E2F6: variants seen among roughly 807,000 people sequenced by gnomAD.
The protein encoded by E2F6 is transcription factor E2F6.
A neutral mutation model predicts 31.5 loss-of-function variants in E2F6; 19 were observed. That is an observed-to-expected ratio of 0.60 (90% confidence interval 0.42 to 0.89). The LOEUF is 0.89. Among genes scored for constraint, E2F6 ranks in the 40% least tolerant of loss-of-function variants. The probability of loss-of-function intolerance (pLI) is 0.00; values close to 1 mark genes in which losing one functional copy is unlikely to be tolerated. For missense variants in E2F6, 269 were observed against 341.6 expected (o/e 0.79, Z 1.67); for synonymous variants, 121 against 127.7 (o/e 0.95, Z 0.36).
At chr2:11,458,216 T>C in intron 1 of E2F6, 2 of 1,533,782 alleles carry the variant, frequency 1.3e-6, no homozygotes, top group Non-Finnish European at 1.8e-6. Context: ...GGCAAGTGAA[T>C]TCATAGGTAC....
chr2:11,459,714 C>A (rs1671647015), intron 1 of E2F6, among the ~76,000 whole-genome samples: 1 of 151,964 alleles, frequency 6.6e-6, no homozygotes, highest in South Asian at 2.1e-4. Flanking sequence ...AAATCCCCGT[C>A]TCTACTAAAA....
intron 1 of E2F6, among the ~76,000 whole-genome samples, chr2:11,458,099 C>A (rs1368137330): frequency 6.6e-6 from 1 of 152,140 alleles, no homozygotes; most frequent in Non-Finnish European, 1.5e-5. Context: ...AAAATGAAAG[C>A]CTATGAACAG....
At chr2:11,455,952 G>A (rs1366398351) in intron 2 of E2F6, among the ~76,000 whole-genome samples, 1 of 152,136 alleles carries the variant, frequency 6.6e-6, no homozygotes, top group African/African-American at 2.4e-5. Context: ...GAGGGTGAGG[G>A]GCTGAAGTGA....
Position 11,446,410 on chromosome 2 carries a change from T to C in E2F6, c.*67A>G. 1.7e-6 allele frequency: 2 copies of C among 1,212,090 alleles called. No homozygotes were observed. Among genetic ancestry groups the C allele is most frequent in the Admixed American group, 3.5e-5 (2 of 57,302 alleles). The allele number at this position is 1,212,090 out of a possible 1,614,324, so 75.1% of individuals were successfully genotyped here. On this transcript the variant is annotated 3_prime_UTR_variant, in exon 7 of 7. Coordinates refer to ENST00000381525, the MANE Select transcript of E2F6 (RefSeq NM_198256.4). ...ATAATTTATTGCTCTGAGAATCAAATTTGATGCGTAATTCTCCACGAAGAT... is the reference window on the plus strand; with the variant it reads ...ATAATTTATTGCTCTGAGAATCAAACTTGATGCGTAATTCTCCACGAAGAT...
intron 1 of E2F6, among the ~76,000 whole-genome samples, chr2:11,465,413 C>T (rs1284474688): frequency 6.6e-6 from 1 of 152,000 alleles, no homozygotes; most frequent in Non-Finnish European, 1.5e-5. Flanking sequence ...AGGTTTTAAA[C>T]GGCTGCAGTA....
chr2:11,460,917 A>C (rs1671736431), intron 1 of E2F6, among the ~76,000 whole-genome samples: 1 of 152,112 alleles, frequency 6.6e-6, no homozygotes, highest in Non-Finnish European at 1.5e-5. Context: ...CTATAATCTT[A>C]CAGGACCAGA....
At chr2:11,449,614 G>A (rs1238705007) in intron 5 of E2F6, among the ~76,000 whole-genome samples, 1 of 152,218 alleles carries the variant, frequency 6.6e-6, no homozygotes, top group African/African-American at 2.4e-5. Flanking sequence ...TTATTCATCA[G>A]TCTTTCAAGA....
At chr2:11,449,071 C>T (rs1670899159) in intron 5 of E2F6, among the ~76,000 whole-genome samples, 1 of 152,202 alleles carries the variant, frequency 6.6e-6, no homozygotes, top group Non-Finnish European at 1.5e-5. Flanking sequence ...AAGCAGCTCA[C>T]AGCATAGGGA....
At chr2:11,447,116 T>C (rs1670765722) in intron 6 of E2F6, among the ~76,000 whole-genome samples, 1 of 152,236 alleles carries the variant, frequency 6.6e-6, no homozygotes, top group South Asian at 2.1e-4. Context: ...TGGACAGCAC[T>C]GCAAGCTGGG....
chr2:11,446,411 T>C lies in E2F6; in HGVS notation c.*66A>G. The C allele has an allele frequency of 1.6e-6, 2 of 1,214,926 alleles. No individual in the cohort carries two copies. Among genetic ancestry groups the C allele is most frequent in the East Asian group, 2.3e-5 (1 of 42,632 alleles). 75.3% of individuals were successfully genotyped at this position (1,214,926 alleles called of 1,614,324 possible). Reference sequence around the variant, plus strand: ...TAATTTATTGCTCTGAGAATCAAATTTGATGCGTAATTCTCCACGAAGATA... The same window carrying C: ...TAATTTATTGCTCTGAGAATCAAATCTGATGCGTAATTCTCCACGAAGATA... On this transcript the variant is annotated 3_prime_UTR_variant, in exon 7 of 7. Transcript: ENST00000381525.
intron 1 of E2F6, among the ~76,000 whole-genome samples, chr2:11,464,620 G>C (rs1448787188): frequency 6.6e-6 from 1 of 151,942 alleles, no homozygotes; most frequent in Non-Finnish European, 1.5e-5. Context: ...GATGGGGATG[G>C]ATTTAGAATG....
chr2:11,464,517 CAAAAAAAA>C (rs559562627), intron 1 of E2F6, among the ~76,000 whole-genome samples: 1 of 44,658 alleles, frequency 2.2e-5, no homozygotes. Context: ...ACTTCGTCAC[CAAAAAAAA>C]AAAAAAAAAA....
At chr2:11,459,818 G>T (rs6705126) in intron 1 of E2F6, among the ~76,000 whole-genome samples, 4,855 of 152,098 alleles carry the variant, frequency 0.032, 247 homozygotes, top group African/African-American at 0.11. Context: ...CGGGAGGCAG[G>T]GGTTGCAGTG....
At chr2:11,462,188 A>T (rs1671823627) in intron 1 of E2F6, among the ~76,000 whole-genome samples, 1 of 152,124 alleles carries the variant, frequency 6.6e-6, no homozygotes, top group Non-Finnish European at 1.5e-5. Flanking sequence ...CTCTCTGGAG[A>T]GCCCTGACCA....
chr2:11,465,077 C>T (rs894199781), intron 1 of E2F6, among the ~76,000 whole-genome samples: 2 of 146,944 alleles, frequency 1.4e-5, no homozygotes, highest in South Asian at 4.2e-4. Flanking sequence ...ACATGGGAGG[C>T]TGAAGCAGGA....
At chr2:11,461,952 A>G (rs1191396658) in intron 1 of E2F6, among the ~76,000 whole-genome samples, 1 of 152,268 alleles carries the variant, frequency 6.6e-6, no homozygotes, top group African/African-American at 2.4e-5. Flanking sequence ...GCCTCTTATA[A>G]GCAGTGAATT....
intron 1 of E2F6, 95 bp downstream of exon 1, chr2:11,465,677 C>T: frequency 7.5e-7 from 1 of 1,338,130 alleles, no homozygotes; most frequent in Non-Finnish European, 1.0e-6. Context: ...GAGCAGACGA[C>T]CCAGACGACG....
intron 2 of E2F6, among the ~76,000 whole-genome samples, chr2:11,454,266 T>A (rs991382664): frequency 1.3e-5 from 2 of 152,166 alleles, no homozygotes; most frequent in Admixed American, 6.5e-5. Context: ...TAGTGTAAGT[T>A]GTCTGATGAA....
chr2:11,455,487 T>C (rs547410934), intron 2 of E2F6: 64 of 1,294,420 alleles, frequency 4.9e-5, no homozygotes, highest in Non-Finnish European at 6.3e-5. Flanking sequence ...TAAGATTAAA[T>C]AGGCGTAAAT....
Sources: gnomAD v4.1 joint callset for allele counts (sites outside exome capture counted in the v4.1 genomes callset) on GRCh38, gnomAD v4.1.1 for gene constraint, MANE v1.5 for transcripts, NCBI Gene and HGNC (gene_info 2026-07-23, HGNC 2026-07-21) for gene names.